Variants in FHIT observed in about 807,000 individuals in gnomAD.
The protein encoded by FHIT is fragile histidine triad diadenosine triphosphatase.
A neutral mutation model predicts 17.9 loss-of-function variants in FHIT; 19 were observed. The observed-to-expected ratio is 1.06, with a 90% CI of 0.74 to 1.56. The LOEUF is 1.56. FHIT is among the 40% of genes most tolerant of loss of function. The pLI is 0.00. For missense variants in FHIT, 248 were observed against 189.2 expected, an observed-to-expected ratio of 1.31 and a Z score of -1.82; for synonymous variants, 81 against 69.7, an observed-to-expected ratio of 1.16 and a Z score of -0.81.
chr3:60,703,148 A>G (rs2041288300), intron 4 of FHIT, among the ~76,000 whole-genome samples: 1 of 152,202 alleles, frequency 6.6e-6, no homozygotes, highest in South Asian at 2.1e-4. Flanking sequence ...AGACACGCAG[A>G]GAGAATACCA....
intron 1 of FHIT, among the ~76,000 whole-genome samples, chr3:61,207,003 A>C (rs904174642): frequency 3.9e-5 from 6 of 152,114 alleles, no homozygotes; most frequent in Non-Finnish European, 2.9e-5. Flanking sequence ...ATCAATACCT[A>C]ATTTATTGAG....
chr3:60,484,904 G>A (rs192993552), intron 5 of FHIT, among the ~76,000 whole-genome samples: 88 of 152,026 alleles, frequency 5.8e-4, no homozygotes, highest in South Asian at 1.2e-3. Flanking sequence ...TGCAATCTAC[G>A]CATCTGACAA....
chr3:60,656,434 T>C (rs1325163294), intron 4 of FHIT, among the ~76,000 whole-genome samples: 2 of 152,206 alleles, frequency 1.3e-5, no homozygotes, highest in African/African-American at 2.4e-5. Flanking sequence ...GCTAACCTGC[T>C]ACCATGGGCC....
At chr3:60,951,737 T>C (rs1470238806) in intron 3 of FHIT, among the ~76,000 whole-genome samples, 1 of 152,184 alleles carries the variant, frequency 6.6e-6, no homozygotes, top group Non-Finnish European at 1.5e-5. Context: ...GTGAGAGTAT[T>C]TAAGGAGAAT....
chr3:59,877,830 TAGAA>T (rs1484118272), intron 8 of FHIT, among the ~76,000 whole-genome samples: 4 of 152,074 alleles, frequency 2.6e-5, no homozygotes, highest in South Asian at 2.1e-4. Context: ...TTCAGACAAA[TAGAA>T]AGAAAGTATT....
intron 5 of FHIT, among the ~76,000 whole-genome samples, chr3:60,146,243 C>T (rs894115493): frequency 2.5e-5 from 1 of 39,586 alleles, no homozygotes; most frequent in Non-Finnish European, 4.6e-5. Flanking sequence ...TAACAATATA[C>T]TCATTTAAAA....
chr3:60,944,924 G>C (rs1464158477), intron 3 of FHIT, among the ~76,000 whole-genome samples: 1 of 152,130 alleles, frequency 6.6e-6, no homozygotes, highest in African/African-American at 2.4e-5. Context: ...CACTGTTCTA[G>C]GCACTAAGGA....
At chr3:60,736,743 A>C (rs2108000046) in intron 4 of FHIT, among the ~76,000 whole-genome samples, 1 of 152,344 alleles carries the variant, frequency 6.6e-6, no homozygotes, top group Admixed American at 6.5e-5. Flanking sequence ...TTGTATTTAT[A>C]CTAAAACCAC....
chr3:59,984,629 G>A (rs1708811834), intron 7 of FHIT, among the ~76,000 whole-genome samples: 1 of 152,056 alleles, frequency 6.6e-6, no homozygotes, highest in Non-Finnish European at 1.5e-5. Context: ...TGAGAAGGGT[G>A]AGTCCCAGAG....
chr3:60,341,089 C>G (rs146476513), intron 5 of FHIT, among the ~76,000 whole-genome samples: 1 of 152,062 alleles, frequency 6.6e-6, no homozygotes, highest in South Asian at 2.1e-4. Context: ...ATCTGCAGAT[C>G]CACAGAGCCA....
chr3:59,869,484 C>CTTTTTTTTTTTTTTTTTTTTTTTTT (rs59589849), intron 8 of FHIT, among the ~76,000 whole-genome samples: 6 of 105,460 alleles, frequency 5.7e-5, no homozygotes, highest in Admixed American at 1.9e-4. Context: ...AAAGAACATC[C>CTTTTTTTTTTTTTTTTTTTTTTTTT]TTTTTTTTTT....
chr3:61,103,680 T>C (rs1001488584), intron 2 of FHIT, among the ~76,000 whole-genome samples: 1 of 152,202 alleles, frequency 6.6e-6, no homozygotes, highest in African/African-American at 2.4e-5. Context: ...TCTTATTGTG[T>C]GGGAGTCTAT....
intron 4 of FHIT, among the ~76,000 whole-genome samples, chr3:60,750,953 T>C (rs1285559220): frequency 1.3e-5 from 2 of 152,192 alleles, no homozygotes. Context: ...ATCCCCTGAT[T>C]GCTCACTGTG....
At chr3:60,234,637 G>C (rs2107559799) in intron 5 of FHIT, among the ~76,000 whole-genome samples, 1 of 152,294 alleles carries the variant, frequency 6.6e-6, no homozygotes, top group South Asian at 2.1e-4. Flanking sequence ...TAATAAGCAA[G>C]TTTTGATTTC....
chr3:60,744,581 G>T (rs2042319445), intron 4 of FHIT, among the ~76,000 whole-genome samples: 1 of 152,172 alleles, frequency 6.6e-6, no homozygotes, highest in Non-Finnish European at 1.5e-5. Flanking sequence ...GTCCCAGAGA[G>T]ATTGTCCCCA....
intron 5 of FHIT, among the ~76,000 whole-genome samples, chr3:60,067,720 T>C (rs1048815837): frequency 1.3e-5 from 2 of 152,202 alleles, no homozygotes; most frequent in Admixed American, 1.3e-4. Flanking sequence ...TGTTGTGGTA[T>C]ACTGGGAATT....
chr3:60,584,774 G>A (rs1489174223), intron 4 of FHIT, among the ~76,000 whole-genome samples: 1 of 151,966 alleles, frequency 6.6e-6, no homozygotes, highest in Admixed American at 6.6e-5. Flanking sequence ...AATTATCCAT[G>A]AGCCTATTCC....
chr3:61,147,825 T>A (rs1007620332), intron 2 of FHIT, among the ~76,000 whole-genome samples: 1 of 152,102 alleles, frequency 6.6e-6, no homozygotes, highest in East Asian at 1.9e-4. Flanking sequence ...AGTTCCTTTT[T>A]CACCCTTGGA....
chr3:61,014,727 C>A (rs2031985621), intron 3 of FHIT, among the ~76,000 whole-genome samples: 1 of 136,554 alleles, frequency 7.3e-6, no homozygotes, highest in Non-Finnish European at 1.5e-5. Context: ...TTGCAGTGAG[C>A]CAAGATCGCA....
Sources: allele counts gnomAD v4.1 joint callset (sites outside exome capture counted in the v4.1 genomes callset), GRCh38; gene constraint gnomAD v4.1.1; transcripts MANE v1.5; gene names NCBI Gene and HGNC (gene_info 2026-07-23, HGNC 2026-07-21).